SPRY3: variants seen among roughly 807,000 people sequenced by gnomAD.
SPRY3 encodes protein sprouty homolog 3.
SPRY3 carries 15 observed loss-of-function variants against 20.2 expected under a neutral mutation model. That is an observed-to-expected ratio of 0.74 (90% CI 0.50 to 1.14). SPRY3 has a LOEUF of 1.14. Ranked by LOEUF, SPRY3 falls within the 50% of genes most tolerant of loss-of-function variation. The probability of loss-of-function intolerance (pLI) is 0.00; values close to 1 mark genes in which losing one functional copy is unlikely to be tolerated. For synonymous variants in SPRY3, 143 were observed against 136.5 expected, an observed-to-expected ratio of 1.05 and a Z score of -0.33; for missense variants, 364 against 363.9, an observed-to-expected ratio of 1.00 and a Z score of 0.00.
At chrX:155,642,940 G>T (rs1169034830) in intron 1 of SPRY3, among the ~76,000 whole-genome samples, 1 of 111,875 alleles carries the variant, frequency 8.9e-6, no homozygotes, top group Non-Finnish European at 1.9e-5. Flanking sequence ...GGAGAGGAAT[G>T]TGTATTCTGC....
At chrX:155,718,177 G>A (rs1290200412) in intron 2 of SPRY3, among the ~76,000 whole-genome samples, 8 of 142,770 alleles carry the variant, frequency 5.6e-5, no homozygotes. Flanking sequence ...GTTTTGTCAG[G>A]AGAGGATTTG....
chrX:155,724,894 G>A (rs2091086964), intron 2 of SPRY3, among the ~76,000 whole-genome samples: 1 of 151,832 alleles, frequency 6.6e-6, no homozygotes, highest in Admixed American at 6.6e-5. Context: ...CTTGTCTTGT[G>A]CCGGTTTTCA....
chrX:155,692,523 G>A (rs1330760643), intron 2 of SPRY3, among the ~76,000 whole-genome samples: 1 of 110,560 alleles, frequency 9.0e-6, no homozygotes, highest in African/African-American at 3.3e-5. Context: ...TAGGTTATTT[G>A]TGTTTCCATA....
chrX:155,720,772 C>T (rs1055339072), intron 2 of SPRY3, among the ~76,000 whole-genome samples: 1 of 151,016 alleles, frequency 6.6e-6, no homozygotes, highest in African/African-American at 2.4e-5. Flanking sequence ...TAGATCACAA[C>T]CCCCAAGTCT....
intron 2 of SPRY3, among the ~76,000 whole-genome samples, chrX:155,714,120 C>A (rs2091005417): frequency 1.3e-5 from 2 of 151,946 alleles, no homozygotes; most frequent in African/African-American, 4.8e-5. Flanking sequence ...TTTTGAATTT[C>A]TTTGAGTTTC....
At chrX:155,721,929 T>C (rs185183036) in intron 2 of SPRY3, among the ~76,000 whole-genome samples, 1 of 152,244 alleles carries the variant, frequency 6.6e-6, no homozygotes, top group East Asian at 1.9e-4. Context: ...ACACTGTAAC[T>C]GTGGTGTGTA....
At chrX:155,734,374 C>A (rs1342572114) in intron 2 of SPRY3, among the ~76,000 whole-genome samples, 2 of 151,958 alleles carry the variant, frequency 1.3e-5, no homozygotes, top group Non-Finnish European at 2.9e-5. Flanking sequence ...AGAACACACA[C>A]AACATTGATC....
downstream of SPRY3, chrX:155,776,817 T>C (rs192652869): frequency 6.0e-6 from 1 of 167,184 alleles, no homozygotes; most frequent in Admixed American, 6.5e-5. Flanking sequence ...ACTCACTTTT[T>C]GTTGGTTCTG....
chrX:155,690,821 A>C (rs1258247901), intron 2 of SPRY3, among the ~76,000 whole-genome samples: 4 of 86,926 alleles, frequency 4.6e-5, no homozygotes, highest in Non-Finnish European at 8.6e-5. Context: ...ACCTGAACTC[A>C]GCACTGAATC....
chrX:155,624,517 C>CTATCATCTATCT (rs782592674), intron 1 of SPRY3, among the ~76,000 whole-genome samples: 18 of 102,293 alleles, frequency 1.8e-4, no homozygotes, highest in African/African-American at 6.1e-4. Context: ...ATTTATCTAT[C>CTATCATCTATCT]ATCTATCTAT....
intron 2 of SPRY3, among the ~76,000 whole-genome samples, chrX:155,716,874 C>T (rs1215817777): frequency 2.0e-5 from 3 of 150,812 alleles, no homozygotes; most frequent in Non-Finnish European, 4.4e-5. Context: ...TGGCTCACAC[C>T]TATAATCCCA....
chrX:155,716,981 AATATATATAT>A (rs749530944), intron 2 of SPRY3, among the ~76,000 whole-genome samples: 673 of 63,480 alleles, frequency 0.011, 56 homozygotes, highest in African/African-American at 0.046. Context: ...TAAAATACAA[AATATATATAT>A]ATATATATAT....
intron 2 of SPRY3, among the ~76,000 whole-genome samples, chrX:155,749,808 G>C (rs936792479): frequency 1.1e-4 from 16 of 151,882 alleles, no homozygotes; most frequent in African/African-American, 3.6e-4. Context: ...GGAGAATGAA[G>C]AGCTGAAGTT....
chrX:155,774,760 G>T, exon 4 of SPRY3: 1 of 1,593,070 alleles, frequency 6.3e-7, no homozygotes, highest in Non-Finnish European at 8.6e-7. Flanking sequence ...GGTGGATCCA[G>T]AGCTTTTCTC....
At chrX:155,767,911 TTTGTTTTG>T (rs910333158) in intron 2 of SPRY3, 43 bp from the exon 2 acceptor site, 25 of 149,524 alleles carry the variant, frequency 1.7e-4, no homozygotes, top group Admixed American at 6.7e-4. Context: ...GTTTTTTTGT[TTTGTTTTG>T]TTTTGTTTTG....
At chrX:155,758,169 C>A (rs2091290568) in intron 2 of SPRY3, among the ~76,000 whole-genome samples, 3 of 152,170 alleles carry the variant, frequency 2.0e-5, no homozygotes, top group Non-Finnish European at 4.4e-5. Flanking sequence ...GTATTGATAA[C>A]CTACTACATG....
intron 2 of SPRY3, among the ~76,000 whole-genome samples, chrX:155,717,813 C>A (rs1247022516): frequency 6.6e-6 from 1 of 152,046 alleles, no homozygotes. Context: ...CATTGATGGG[C>A]ATTTGGGTCG....
At chrX:155,630,023 A>C (rs2067900997) in intron 1 of SPRY3, among the ~76,000 whole-genome samples, 1 of 111,964 alleles carries the variant, frequency 8.9e-6, no homozygotes, top group Admixed American at 9.5e-5. Flanking sequence ...GCTTACAAAA[A>C]ACATCATATA....
At chrX:155,766,982 C>A (rs189576356) in intron 2 of SPRY3, among the ~76,000 whole-genome samples, 62 of 152,250 alleles carry the variant, frequency 4.1e-4, no homozygotes, top group Non-Finnish European at 8.4e-4. Context: ...GCTGCAATCA[C>A]TCGGCACAGG....
Sources: gnomAD v4.1 joint callset for allele counts (sites outside exome capture counted in the v4.1 genomes callset) on GRCh38, gnomAD v4.1.1 for gene constraint, MANE v1.5 for transcripts, NCBI Gene and HGNC (gene_info 2026-07-23, HGNC 2026-07-21) for gene names.